SCAPER: variants seen among roughly 807,000 people sequenced by gnomAD.
SCAPER encodes S phase cyclin A-associated protein in the endoplasmic reticulum.
Under a neutral mutation model 182.2 loss-of-function variants are expected in SCAPER, and 98 were observed. The observed-to-expected ratio is 0.54, with a 90% CI of 0.46 to 0.64. The LOEUF (loss-of-function observed/expected upper bound fraction) is 0.64. SCAPER is among the 30% of genes least tolerant of loss of function. The pLI is 0.00. For missense variants in SCAPER, 1,432 were observed against 1,690.0 expected, an observed-to-expected ratio of 0.85 and a Z score of 2.68; for synonymous variants, 605 against 564.6, an observed-to-expected ratio of 1.07 and a Z score of -1.01.
intron 23 of SCAPER, among the ~76,000 whole-genome samples, chr15:76,542,258 C>G (rs1288892319): frequency 6.6e-6 from 1 of 152,120 alleles, no homozygotes; most frequent in Non-Finnish European, 1.5e-5. Context: ...GGCAGTGGCT[C>G]ACACCTGTAA....
At chr15:76,504,779 G>A in intron 24 of SCAPER, 80 bp downstream of exon 24, 12 of 1,145,842 alleles carry the variant, frequency 1.0e-5, no homozygotes, top group Non-Finnish European at 1.5e-5. Flanking sequence ...CAATTTTCTT[G>A]TGGTTCTCCA....
intron 25 of SCAPER, among the ~76,000 whole-genome samples, chr15:76,454,125 C>T (rs973216267): frequency 1.3e-5 from 2 of 152,184 alleles, no homozygotes; most frequent in African/African-American, 4.8e-5. Flanking sequence ...CACCCATCCC[C>T]CTTCCTTTCA....
chr15:76,537,505 G>A (rs1400864695), intron 23 of SCAPER, among the ~76,000 whole-genome samples: 2 of 152,100 alleles, frequency 1.3e-5, no homozygotes, highest in African/African-American at 4.8e-5. Context: ...TGGGAAAACT[G>A]GCTAGCCATA....
intron 31 of SCAPER, 43 bp downstream of exon 31, chr15:76,351,194 T>C (rs556102580): frequency 1.9e-6 from 3 of 1,556,994 alleles, no homozygotes; most frequent in East Asian, 4.6e-5. Context: ...AGATGTCCAT[T>C]TGGCTAACAA....
chr15:76,768,795 C>T (rs2063264096), intron 10 of SCAPER, among the ~76,000 whole-genome samples: 1 of 146,162 alleles, frequency 6.8e-6, no homozygotes, highest in African/African-American at 2.5e-5. Flanking sequence ...CTGAACAATA[C>T]TATCAACAAA....
chr15:76,387,827 T>C (rs62028384), intron 27 of SCAPER, among the ~76,000 whole-genome samples: 9,882 of 152,286 alleles, frequency 0.065, 358 homozygotes, highest in Middle Eastern at 0.11. Flanking sequence ...TAAAAACTAA[T>C]TCCACACGCT....
chr15:76,732,426 C>A (rs2060970382), intron 16 of SCAPER, among the ~76,000 whole-genome samples: 1 of 151,972 alleles, frequency 6.6e-6, no homozygotes, highest in African/African-American at 2.4e-5. Context: ...CCAGGCCATA[C>A]AGAGATAGGA....
At chr15:76,829,327 G>C (rs1442538023) in intron 5 of SCAPER, among the ~76,000 whole-genome samples, 1 of 152,118 alleles carries the variant, frequency 6.6e-6, no homozygotes, top group African/African-American at 2.4e-5. Flanking sequence ...GGACACAAGA[G>C]ATAAAAGACT....
At chr15:76,535,843 T>A (rs907203954) in intron 23 of SCAPER, among the ~76,000 whole-genome samples, 1 of 152,094 alleles carries the variant, frequency 6.6e-6, no homozygotes, top group Admixed American at 6.5e-5. Context: ...GACAGAAGAG[T>A]CACGAGATTT....
At chr15:76,807,930 C>A (rs184330368) in intron 5 of SCAPER, among the ~76,000 whole-genome samples, 1 of 152,188 alleles carries the variant, frequency 6.6e-6, no homozygotes, top group Admixed American at 6.5e-5. Context: ...AAAGGAATCC[C>A]AGTTCTCCCA....
At chr15:76,493,334 C>T (rs1208250978) in intron 24 of SCAPER, among the ~76,000 whole-genome samples, 1 of 152,042 alleles carries the variant, frequency 6.6e-6, no homozygotes, top group East Asian at 1.9e-4. Flanking sequence ...AGTACATAAT[C>T]TTCAACTAGA....
chr15:76,404,445 T>C (rs1006641924), intron 27 of SCAPER, 79 bp downstream of exon 27: 4 of 1,399,062 alleles, frequency 2.9e-6, no homozygotes, highest in Admixed American at 2.1e-5. Context: ...TGAATTCCTA[T>C]GAAATGACCC....
intron 23 of SCAPER, among the ~76,000 whole-genome samples, chr15:76,526,337 T>C (rs1427804402): frequency 6.6e-6 from 1 of 152,212 alleles, no homozygotes; most frequent in African/African-American, 2.4e-5. Context: ...ATCGCTAAGA[T>C]GAAGTTTGCT....
At position 76,765,100 on chromosome 15, in the gene SCAPER, A is replaced by T. The variant is rs79917691; in HGVS notation, c.1614-28T>A. The T allele has an allele frequency of 2.2e-3, 3,224 of 1,448,970 alleles. 69 individuals carry two copies. The African/African-American group carries it at 0.041, about 19-fold the overall frequency. 89.8% of individuals were successfully genotyped at this position (1,448,970 alleles called of 1,614,324 possible). On this transcript the variant is annotated intron_variant, in intron 13 of 31. Transcript: ENST00000563290. ...ATTAATACAAACAAATGGACAAGAG[A>T]CATGAAATGTTTACATGATAAGGCC...
At chr15:76,389,815 C>CA (rs34780168) in intron 27 of SCAPER, among the ~76,000 whole-genome samples, 55,908 of 95,238 alleles carry the variant, frequency 0.59, 14,868 homozygotes, top group Non-Finnish European at 0.65. Context: ...GACTCCGTCT[C>CA]AAAAAAAAAA....
At chr15:76,606,557 T>C (rs1878100240) in intron 22 of SCAPER, among the ~76,000 whole-genome samples, 1 of 151,902 alleles carries the variant, frequency 6.6e-6, no homozygotes, top group African/African-American at 2.4e-5. Context: ...CTGAGTTCAA[T>C]TCCTGGATAT....
intron 20 of SCAPER, among the ~76,000 whole-genome samples, chr15:76,689,188 A>C (rs1345605587): frequency 6.6e-6 from 1 of 152,150 alleles, no homozygotes; most frequent in Non-Finnish European, 1.5e-5. Context: ...ATGAAAATCA[A>C]ACTGTCCTCA....
intron 17 of SCAPER, among the ~76,000 whole-genome samples, chr15:76,710,514 C>A (rs2059504738): frequency 6.6e-6 from 1 of 151,790 alleles, no homozygotes; most frequent in Non-Finnish European, 1.5e-5. Context: ...AAAAATGAAC[C>A]AAAGAAAACA....
intron 7 of SCAPER, 67 bp from the exon 8 acceptor site, chr15:76,795,507 A>G: frequency 8.1e-7 from 1 of 1,231,566 alleles, no homozygotes; most frequent in Non-Finnish European, 1.1e-6. Context: ...TATATGCTAA[A>G]TGTATTTAAA....
Sources: allele counts gnomAD v4.1 joint callset (sites outside exome capture counted in the v4.1 genomes callset), GRCh38; gene constraint gnomAD v4.1.1; transcripts MANE v1.5; gene names NCBI Gene and HGNC (gene_info 2026-07-23, HGNC 2026-07-21).